Variants in RGS3 observed in about 807,000 individuals in gnomAD.
The protein encoded by RGS3 is regulator of G protein signaling 3, also known as regulator of G-protein signalling 3.
Under a neutral mutation model 132.6 loss-of-function variants are expected in RGS3, and 80 were observed. The ratio of observed to expected loss-of-function variants is 0.60; its 90% CI spans 0.50 to 0.73. The LOEUF (loss-of-function observed/expected upper bound fraction) is 0.73. RGS3 is among the 30% of genes least tolerant of loss of function. The pLI is 0.00. For missense variants in RGS3, 1,382 were observed against 1,530.8 expected, an observed-to-expected ratio of 0.90 and a Z score of 1.62; for synonymous variants, 598 against 620.6, an observed-to-expected ratio of 0.96 and a Z score of 0.54.
chr9:113,449,444 C>A (rs1250266475), intron 1 of RGS3, among the ~76,000 whole-genome samples: 1 of 152,122 alleles, frequency 6.6e-6, no homozygotes, highest in East Asian at 1.9e-4. Context: ...ATACATTTTA[C>A]TTATGAGAAT....
At chr9:113,518,108 G>A (rs947988450) in intron 16 of RGS3, among the ~76,000 whole-genome samples, 1 of 152,180 alleles carries the variant, frequency 6.6e-6, no homozygotes, top group Non-Finnish European at 1.5e-5. Context: ...GCTGACATGG[G>A]ACCTGTGTCA....
chr9:113,573,090 T>A (rs1374623436), intron 19 of RGS3, among the ~76,000 whole-genome samples: 1 of 152,174 alleles, frequency 6.6e-6, no homozygotes, highest in Non-Finnish European at 1.5e-5. Flanking sequence ...AGCTGTGATG[T>A]GGGTACTCAG....
At chr9:113,450,419 C>T (rs902585885) in intron 1 of RGS3, among the ~76,000 whole-genome samples, 7 of 152,184 alleles carry the variant, frequency 4.6e-5, no homozygotes, top group African/African-American at 1.7e-4. Context: ...TGGCAGTAGG[C>T]AGATACTAAG....
intron 19 of RGS3, among the ~76,000 whole-genome samples, chr9:113,567,706 T>C (rs12338697): frequency 0.12 from 18,197 of 152,224 alleles, 1,310 homozygotes; most frequent in African/African-American, 0.19. Flanking sequence ...TAGGTGGAAT[T>C]CACAGCATAG....
At chr9:113,490,766 A>G (rs1340580175) in intron 7 of RGS3, among the ~76,000 whole-genome samples, 23 of 129,482 alleles carry the variant, frequency 1.8e-4, no homozygotes, top group South Asian at 6.6e-4. Flanking sequence ...ATATAATTAT[A>G]TATATAACTT....
Position 113,477,075 on chromosome 9 carries a change from A to T in RGS3, c.416-2416A>T, listed in dbSNP as rs149547805. On this transcript the variant is annotated intron_variant, in intron 3 of 24. Transcript: ENST00000350696. Reference sequence around the variant, plus strand: ...CCACACTAGATTGGGCACAGTTTTCATAGGTTTCTCAGCTCTAGGAAGCCA... The same window carrying T: ...CCACACTAGATTGGGCACAGTTTTCTTAGGTTTCTCAGCTCTAGGAAGCCA... 3.9e-5 allele frequency among the ~76,000 whole-genome samples: 6 copies of T among 152,206 alleles called. No individual in the cohort carries two copies. In the East Asian group the frequency reaches 1.2e-3, roughly 29 times the overall value.
At chr9:113,483,025 A>G (rs771841340) in intron 4 of RGS3, 34 bp from the exon 3 acceptor site, 4 of 1,613,970 alleles carry the variant, frequency 2.5e-6, no homozygotes, top group South Asian at 1.1e-5. Flanking sequence ...GTATGTTTCC[A>G]TTCATCCACC....
At chr9:113,587,858 T>C (rs1006593420) in intron 20 of RGS3, among the ~76,000 whole-genome samples, 1 of 152,204 alleles carries the variant, frequency 6.6e-6, no homozygotes, top group African/African-American at 2.4e-5. Context: ...CCCCTGGGTG[T>C]GGCGCCCTGT....
At chr9:113,588,011 G>A (rs1202617366) in intron 20 of RGS3, among the ~76,000 whole-genome samples, 2 of 152,228 alleles carry the variant, frequency 1.3e-5, no homozygotes, top group Non-Finnish European at 1.5e-5. Context: ...TTTGGGTCCA[G>A]GATGCTGCCA....
chr9:113,552,945 C>T (rs911942697), intron 19 of RGS3, among the ~76,000 whole-genome samples: 1 of 151,888 alleles, frequency 6.6e-6, no homozygotes, highest in Non-Finnish European at 1.5e-5. Flanking sequence ...TATACATGCA[C>T]AAAACTTGTA....
chr9:113,566,168 C>T (rs1045400537), intron 19 of RGS3, among the ~76,000 whole-genome samples: 6 of 152,182 alleles, frequency 3.9e-5, no homozygotes, highest in African/African-American at 1.4e-4. Flanking sequence ...GTTTCACTGG[C>T]AGGGGAAGAG....
chr9:113,502,114 T>C (rs1359115550), intron 10 of RGS3, among the ~76,000 whole-genome samples: 1 of 152,212 alleles, frequency 6.6e-6, no homozygotes, highest in Middle Eastern at 3.2e-3. Context: ...TGCCTCACTA[T>C]GGCTCAGGAT....
chr9:113,558,433 G>A (rs574228739), intron 19 of RGS3, among the ~76,000 whole-genome samples: 1 of 152,284 alleles, frequency 6.6e-6, no homozygotes, highest in East Asian at 1.9e-4. Context: ...AACCTGGGAG[G>A]CGGAGGTTGC....
chr9:113,480,130 C>T (rs1252299654), intron 4 of RGS3, among the ~76,000 whole-genome samples: 1 of 152,150 alleles, frequency 6.6e-6, no homozygotes, highest in African/African-American at 2.4e-5. Context: ...CAGTGCTGAA[C>T]TTGTAGTCAA....
chr9:113,561,586 A>ATT (rs1181886025), intron 19 of RGS3, among the ~76,000 whole-genome samples: 169 of 133,280 alleles, frequency 1.3e-3, no homozygotes, highest in African/African-American at 3.4e-3. Context: ...CTAATTTTTA[A>ATT]TTTTTTTTTT....
chr9:113,492,719 C>G (rs1468208266), intron 7 of RGS3, among the ~76,000 whole-genome samples: 1 of 152,116 alleles, frequency 6.6e-6, no homozygotes. Flanking sequence ...GTCATATACT[C>G]AGGTTGCTTT....
intron 17 of RGS3, among the ~76,000 whole-genome samples, chr9:113,526,416 C>T (rs1044491357): frequency 6.6e-5 from 10 of 152,144 alleles, no homozygotes; most frequent in African/African-American, 9.7e-5. Context: ...GGAATGCAGA[C>T]GAGTAACCGT....
chr9:113,553,459 A>AAAAAT (rs1426114805), intron 19 of RGS3, among the ~76,000 whole-genome samples: 17 of 58,694 alleles, frequency 2.9e-4, no homozygotes, highest in East Asian at 1.3e-3. Flanking sequence ...AAAAAAAAAA[A>AAAAAT]ATATATATAT....
chr9:113,451,703 G>T (rs1829249785), intron 1 of RGS3, among the ~76,000 whole-genome samples: 2 of 151,074 alleles, frequency 1.3e-5, no homozygotes, highest in Non-Finnish European at 1.5e-5. Context: ...TTAAGTCAAT[G>T]GTTCCTATCC....
Sources: allele counts gnomAD v4.1 joint callset (sites outside exome capture counted in the v4.1 genomes callset), GRCh38; gene constraint gnomAD v4.1.1; transcripts MANE v1.5; gene names NCBI Gene and HGNC (gene_info 2026-07-23, HGNC 2026-07-21).